The following CEP85L variants were observed in gnomAD, a reference collection of about 807,000 sequenced individuals.
The protein encoded by CEP85L is centrosomal protein 85L, also known as centrosomal protein of 85 kDa-like.
Under a neutral mutation model 100.3 loss-of-function variants are expected in CEP85L, and 60 were observed. That is an observed-to-expected ratio of 0.60 (90% CI 0.49 to 0.74). The LOEUF is 0.74. Among genes scored for constraint, CEP85L ranks in the 30% least tolerant of loss-of-function variants. The probability of loss-of-function intolerance (pLI) is 0.00; values close to 1 mark genes in which losing one functional copy is unlikely to be tolerated. For synonymous variants in CEP85L, 319 were observed against 322.7 expected, an observed-to-expected ratio of 0.99 and a Z score of 0.12; for missense variants, 973 against 936.2, an observed-to-expected ratio of 1.04 and a Z score of -0.51.
intron 3 of CEP85L, among the ~76,000 whole-genome samples, chr6:118,525,092 C>T (rs1010636708): frequency 1.3e-5 from 2 of 152,190 alleles, no homozygotes; most frequent in African/African-American, 4.8e-5. Context: ...CTAATCCTCC[C>T]TGGTCGTGTG....
At chr6:118,582,164 C>G (rs73766562) in intron 2 of CEP85L, among the ~76,000 whole-genome samples, 4,437 of 152,246 alleles carry the variant, frequency 0.029, 223 homozygotes, top group African/African-American at 0.1. Flanking sequence ...TCCAGCTCCA[C>G]TATCTCCAGT....
chr6:118,506,236 A>G (rs1175161543), intron 5 of CEP85L, among the ~76,000 whole-genome samples: 1 of 152,204 alleles, frequency 6.6e-6, no homozygotes, highest in Admixed American at 6.5e-5. Context: ...GACTCAGGAG[A>G]TAACTTGGAC....
chr6:118,605,336 T>A (rs1026842535), intron 2 of CEP85L, among the ~76,000 whole-genome samples: 1 of 152,158 alleles, frequency 6.6e-6, no homozygotes, highest in African/African-American at 2.4e-5. Context: ...CATCTCCCAG[T>A]GGGGGGTGGG....
intron 3 of CEP85L, among the ~76,000 whole-genome samples, chr6:118,547,628 A>G (rs1313027597): frequency 6.6e-6 from 1 of 152,118 alleles, no homozygotes; most frequent in Non-Finnish European, 1.5e-5. Flanking sequence ...TGTATGTATC[A>G]GTTTAAATAT....
intron 2 of CEP85L, among the ~76,000 whole-genome samples, chr6:118,622,987 TG>T (rs1364058185): frequency 1.3e-5 from 2 of 152,190 alleles, no homozygotes; most frequent in Non-Finnish European, 2.9e-5. Flanking sequence ...GGGACTCTCA[TG>T]GGGGCATAGT....
intron 2 of CEP85L, among the ~76,000 whole-genome samples, chr6:118,614,253 C>G (rs6569023): frequency 0.22 from 32,809 of 152,116 alleles, 4,661 homozygotes; most frequent in East Asian, 0.61. Flanking sequence ...CAAAAACCTA[C>G]AGCTAACAGC....
At chr6:118,488,314 G>A (rs1360268063) in intron 6 of CEP85L, among the ~76,000 whole-genome samples, 1 of 151,834 alleles carries the variant, frequency 6.6e-6, no homozygotes, top group East Asian at 1.9e-4. Context: ...AACAATGCAT[G>A]AACAAAGTAA....
chr6:118,597,173 C>G (rs759498130), intron 2 of CEP85L, among the ~76,000 whole-genome samples: 1 of 152,202 alleles, frequency 6.6e-6, no homozygotes, highest in African/African-American at 2.4e-5. Context: ...TCCATTTAAC[C>G]TCTTTTCTTT....
At chr6:118,706,546 A>G (rs1777597772) in intron 1 of CEP85L, among the ~76,000 whole-genome samples, 1 of 152,228 alleles carries the variant, frequency 6.6e-6, no homozygotes, top group Non-Finnish European at 1.5e-5. Flanking sequence ...ATCTTAGGGT[A>G]ACCTCAACTG....
upstream of CEP85L, chr6:118,652,674 AT>A: frequency 1.3e-6 from 2 of 1,531,070 alleles, no homozygotes; most frequent in Non-Finnish European, 1.8e-6. Context: ...GTTAAATTAG[AT>A]TTAGGTGTGT....
chr6:118,691,298 C>T (rs1777036149), intron 1 of CEP85L, among the ~76,000 whole-genome samples: 1 of 151,724 alleles, frequency 6.6e-6, no homozygotes, highest in African/African-American at 2.4e-5. Flanking sequence ...TTTGGGAGGC[C>T]AAGGCGGGCG....
At chr6:118,466,050 TGA>T (rs374939091) in intron 12 of CEP85L, among the ~76,000 whole-genome samples, 1 of 151,562 alleles carries the variant, frequency 6.6e-6, no homozygotes, top group African/African-American at 2.4e-5. Context: ...GGAGGGAAAA[TGA>T]GAGAGACAGA....
chr6:118,610,673 C>T (rs1583162940), intron 2 of CEP85L, among the ~76,000 whole-genome samples: 1 of 152,044 alleles, frequency 6.6e-6, no homozygotes, highest in South Asian at 2.1e-4. Context: ...TGCCCCATAA[C>T]TTTCAACTAC....
chr6:118,505,194 C>A (rs1235679319), intron 5 of CEP85L, among the ~76,000 whole-genome samples: 1 of 151,892 alleles, frequency 6.6e-6, no homozygotes, highest in Non-Finnish European at 1.5e-5. Context: ...GTAATCCCAG[C>A]ACTTTGGCGG....
At chr6:118,467,144 G>C (rs1446898032) in intron 12 of CEP85L, among the ~76,000 whole-genome samples, 2 of 152,118 alleles carry the variant, frequency 1.3e-5, no homozygotes, top group South Asian at 2.1e-4. Context: ...TGATGCATTT[G>C]AAATAGCCAG....
chr6:118,533,391 CA>C (rs1356880591), intron 3 of CEP85L, among the ~76,000 whole-genome samples: 2 of 152,058 alleles, frequency 1.3e-5, no homozygotes, highest in African/African-American at 4.8e-5. Flanking sequence ...TTAAAAAACA[CA>C]AACTTACCCA....
chr6:118,465,431 T>C lies in CEP85L; in HGVS notation c.2392A>G (p.Met798Val). Residue 798 changes from methionine (M) to valine (V), a missense_variant, in exon 13 of 13, where the codon ATG becomes GTG. Met to Val is a conservative substitution (Grantham distance 21). Coordinates refer to ENST00000368491, the MANE Select transcript of CEP85L (RefSeq NM_001042475.3). The stretch of plus-strand genomic sequence containing the variant: ...CACTGAGTAATGCAGTTGTCTCCCA[T>C]GTCCTGAGCATAGCGGTCTGATATT... ...TTISDRYAQD[M>V]GDNCITQ 1 of 1,613,440 alleles carries C rather than the reference T, an allele frequency of 6.2e-7. No individual in the cohort carries two copies.
At chr6:118,524,937 C>A (rs1245936036) in intron 3 of CEP85L, among the ~76,000 whole-genome samples, 1 of 152,226 alleles carries the variant, frequency 6.6e-6, no homozygotes, top group Non-Finnish European at 1.5e-5. Context: ...CTTCAGCTCA[C>A]CTGGTGACCT....
chr6:118,624,886 C>T (rs1438037987), intron 2 of CEP85L, among the ~76,000 whole-genome samples: 3 of 152,214 alleles, frequency 2.0e-5, no homozygotes, highest in Non-Finnish European at 4.4e-5. Context: ...TAGACCTTTC[C>T]GGGTTACAAA....
Sources: allele counts gnomAD v4.1 joint callset (sites outside exome capture counted in the v4.1 genomes callset), GRCh38; gene constraint gnomAD v4.1.1; transcripts MANE v1.5; gene names NCBI Gene and HGNC (gene_info 2026-07-23, HGNC 2026-07-21).